Variants in ADAMTSL1 observed in about 807,000 individuals in gnomAD.
ADAMTSL1 encodes the protein ADAMTS like 1, also known as ADAMTS-like protein 1.
Under a neutral mutation model 201.8 loss-of-function variants are expected in ADAMTSL1, and 126 were observed. That is an observed-to-expected ratio of 0.62 (90% CI 0.54 to 0.72). The LOEUF (loss-of-function observed/expected upper bound fraction) is 0.72. Among genes scored for constraint, ADAMTSL1 ranks in the 30% least tolerant of loss-of-function variants. ADAMTSL1 has a pLI of 0.00. For synonymous variants in ADAMTSL1, 1,121 were observed against 903.4 expected (o/e 1.24, Z -4.32); for missense variants, 2,679 against 2,277.8 (o/e 1.18, Z -3.59).
intron 1 of ADAMTSL1, among the ~76,000 whole-genome samples, chr9:18,162,721 A>G (rs1003724156): frequency 2.6e-5 from 4 of 152,024 alleles, no homozygotes; most frequent in Admixed American, 1.3e-4. Context: ...CATATTCATT[A>G]CTGATATTAG....
chr9:17,957,768 A>C (rs1421045658), intron 1 of ADAMTSL1, among the ~76,000 whole-genome samples: 1 of 152,196 alleles, frequency 6.6e-6, no homozygotes, highest in Non-Finnish European at 1.5e-5. Context: ...CATGAGATGC[A>C]GAGAAGGCTG....
chr9:17,932,322 G>C (rs1826830154), intron 1 of ADAMTSL1, among the ~76,000 whole-genome samples: 1 of 152,200 alleles, frequency 6.6e-6, no homozygotes, highest in Admixed American at 6.6e-5. Context: ...TTCTCCAAGA[G>C]GGTCCCGGGT....
intron 2 of ADAMTSL1, among the ~76,000 whole-genome samples, chr9:18,309,662 C>T (rs1587523004): frequency 6.6e-6 from 1 of 151,856 alleles, no homozygotes; most frequent in South Asian, 2.1e-4. Flanking sequence ...AACTAAAAAC[C>T]ACTGCTCAAC....
intron 23 of ADAMTSL1, among the ~76,000 whole-genome samples, chr9:18,836,798 C>G (rs1044245879): frequency 6.6e-6 from 1 of 152,020 alleles, no homozygotes; most frequent in African/African-American, 2.4e-5. Context: ...CATAGTTCTC[C>G]TTGTGGAGAT....
chr9:18,295,054 C>G (rs530145194), intron 2 of ADAMTSL1, among the ~76,000 whole-genome samples: 1 of 152,174 alleles, frequency 6.6e-6, no homozygotes, highest in East Asian at 1.9e-4. Flanking sequence ...ATCCCATTTC[C>G]TCTTGCTGTA....
chr9:18,419,399 A>G (rs899119085), intron 2 of ADAMTSL1, among the ~76,000 whole-genome samples: 2 of 152,174 alleles, frequency 1.3e-5, no homozygotes, highest in African/African-American at 2.4e-5. Context: ...TTTCTCTTGT[A>G]AAATGTTGAA....
In ADAMTSL1 at chr9:18,840,768, A is replaced by G. The variant is rs1825664794; in HGVS notation, c.4249+10791A>G. Among the ~76,000 whole-genome samples the G allele has an allele frequency of 6.7e-5, 10 of 149,994 alleles. No individual in the cohort carries two copies. The South Asian group carries it at 2.1e-3, about 32-fold the overall frequency. On this transcript the variant is annotated intron_variant, in intron 23 of 28. Transcript: ENST00000380548. ...GTCCTTCACATCCCTTGTAAGTTGG[A>G]TTCCTAGGTATTTTATTCTCTTTGA...
intron 1 of ADAMTSL1, among the ~76,000 whole-genome samples, chr9:18,051,945 A>C (rs1039155348): frequency 6.6e-6 from 1 of 152,224 alleles, no homozygotes; most frequent in African/African-American, 2.4e-5. Flanking sequence ...TGGTTACCTG[A>C]GTCTGTGGAT....
chr9:18,837,368 T>G lies in ADAMTSL1; in HGVS notation c.4249+7391T>G, dbSNP rs1563843358. Among the ~76,000 whole-genome samples, 3 of 152,254 alleles carry G rather than the reference T, an allele frequency of 2.0e-5. No individual in the cohort carries two copies. The South Asian group carries it at 6.2e-4, about 32-fold the overall frequency. ...GCTGAAAATATTATCCTTTCTCCAC[T>G]GAGTTGCCTTTGCATCTTTCTGGAA... On this transcript the variant is annotated intron_variant, in intron 23 of 28. Coordinates refer to ENST00000380548, the MANE Select transcript of ADAMTSL1 (RefSeq NM_001040272.6).
chr9:18,329,778 A>G (rs985332781), intron 2 of ADAMTSL1, among the ~76,000 whole-genome samples: 1 of 151,398 alleles, frequency 6.6e-6, no homozygotes, highest in South Asian at 2.1e-4. Context: ...TCACTTATGT[A>G]TGCATTCATT....
rs185056137 is a variant in ADAMTSL1 at position 18,451,738 on chromosome 9, T to C, written c.208-53091T>C. Among the ~76,000 whole-genome samples, 15 of 152,362 alleles carry C rather than the reference T, an allele frequency of 9.8e-5. No homozygotes were observed. In the East Asian group the frequency reaches 2.5e-3, roughly 25 times the overall value. On this transcript the variant is annotated intron_variant, in intron 2 of 29. Transcript: ENST00000680146. ...TGTCTTAGTCCATTTTGTGTTACTATAACAGAATACTACAGGCTACGTAAT... is the reference window on the plus strand; with the variant it reads ...TGTCTTAGTCCATTTTGTGTTACTACAACAGAATACTACAGGCTACGTAAT...
At chr9:18,519,013 C>A (rs973524971) in intron 2 of ADAMTSL1, among the ~76,000 whole-genome samples, 1 of 152,176 alleles carries the variant, frequency 6.6e-6, no homozygotes, top group Non-Finnish European at 1.5e-5. Context: ...TGCCTCCTCT[C>A]CTGGTGAGCT....
chr9:18,613,583 G>A (rs771455543), intron 4 of ADAMTSL1, among the ~76,000 whole-genome samples: 3 of 152,080 alleles, frequency 2.0e-5, no homozygotes, highest in Non-Finnish European at 4.4e-5. Context: ...GGAGCTGGAG[G>A]CCATTATCCT....
intron 1 of ADAMTSL1, among the ~76,000 whole-genome samples, chr9:18,038,593 C>A (rs1420037655): frequency 6.6e-6 from 1 of 152,098 alleles, no homozygotes; most frequent in South Asian, 2.1e-4. Context: ...AAGGGTGATA[C>A]AGAAAAGCGG....
At chr9:17,946,986 C>A (rs1827515839) in intron 1 of ADAMTSL1, among the ~76,000 whole-genome samples, 1 of 151,946 alleles carries the variant, frequency 6.6e-6, no homozygotes, top group Non-Finnish European at 1.5e-5. Context: ...CAAAATAGTT[C>A]TACAAGTTTT....
intron 18 of ADAMTSL1, among the ~76,000 whole-genome samples, chr9:18,776,449 C>G (rs1820998304): frequency 6.6e-6 from 1 of 152,184 alleles, no homozygotes; most frequent in Non-Finnish European, 1.5e-5. Context: ...CCCCCTCCAT[C>G]TAGAACTCTG....
intron 4 of ADAMTSL1, among the ~76,000 whole-genome samples, chr9:18,592,341 G>C (rs1005728181): frequency 2.6e-5 from 4 of 152,134 alleles, no homozygotes; most frequent in African/African-American, 9.7e-5. Context: ...AATAAGAGAA[G>C]ATGACATTTC....
intron 1 of ADAMTSL1, among the ~76,000 whole-genome samples, chr9:17,958,326 G>A (rs1057265154): frequency 7.2e-5 from 11 of 152,170 alleles, no homozygotes; most frequent in African/African-American, 2.7e-4. Flanking sequence ...TAGACACTGA[G>A]ATGAGATAAC....
intron 2 of ADAMTSL1, among the ~76,000 whole-genome samples, chr9:18,314,166 A>C (rs1041118555): frequency 1.3e-5 from 2 of 152,218 alleles, no homozygotes; most frequent in East Asian, 3.9e-4. Context: ...ATTATTATCA[A>C]AAAGACAAGA....
Sources: gnomAD v4.1 joint callset for allele counts (sites outside exome capture counted in the v4.1 genomes callset) on GRCh38, gnomAD v4.1.1 for gene constraint, MANE v1.5 for transcripts, NCBI Gene and HGNC (gene_info 2026-07-23, HGNC 2026-07-21) for gene names.